TRPM1: variants seen among roughly 807,000 people sequenced by gnomAD.
TRPM1 encodes transient receptor potential cation channel subfamily M member 1, also known as TRPM1-203 APA Isoform, Intron 10.
A neutral mutation model predicts 149.4 loss-of-function variants in TRPM1; 113 were observed. The observed-to-expected ratio is 0.76, with a 90% CI of 0.65 to 0.88. The LOEUF (loss-of-function observed/expected upper bound fraction) is 0.88. TRPM1 is among the 40% of genes least tolerant of loss of function. The pLI, the probability that TRPM1 is intolerant of heterozygous loss-of-function variation, is 0.00. For synonymous variants in TRPM1, 741 were observed against 759.5 expected, an observed-to-expected ratio of 0.98 and a Z score of 0.40; for missense variants, 1,976 against 2,038.7, an observed-to-expected ratio of 0.97 and a Z score of 0.59.
Position 31,158,765 on chromosome 15 carries a change from T to C in TRPM1, c.54+2141A>G, listed in dbSNP as rs553260603. On this transcript the variant is annotated intron_variant, in intron 1 of 26. Coordinates refer to the TRPM1 transcript ENST00000542188. Reference sequence around the variant, plus strand: ...TGATACTCATATATACGGAGAGATGTGTTCTGCTACAAGGGTTTGTGATAA... The same window carrying C: ...TGATACTCATATATACGGAGAGATGCGTTCTGCTACAAGGGTTTGTGATAA... Among the ~76,000 whole-genome samples, 19 of 152,184 alleles carry C rather than the reference T, an allele frequency of 1.2e-4. No individual in the cohort carries two copies. In the South Asian group the frequency reaches 2.3e-3, roughly 18 times the overall value.
At chr15:31,053,202 A>G (rs1489256070) in intron 11 of TRPM1, among the ~76,000 whole-genome samples, 1 of 152,202 alleles carries the variant, frequency 6.6e-6, no homozygotes, top group East Asian at 1.9e-4. Context: ...AATACAAATC[A>G]AAACCATCTG....
chr15:31,080,415 G>A (rs1392394424), intron 2 of TRPM1, among the ~76,000 whole-genome samples: 1 of 152,126 alleles, frequency 6.6e-6, no homozygotes, highest in South Asian at 2.1e-4. Flanking sequence ...AACGCACCAA[G>A]AGGAACAAAA....
upstream of TRPM1, among the ~76,000 whole-genome samples, chr15:31,102,089 C>T (rs965469587): frequency 2.0e-5 from 3 of 152,234 alleles, no homozygotes; most frequent in African/African-American, 4.8e-5. Context: ...GTTCGTGCCC[C>T]GGGGAGCTGG....
rs73370498 is a variant in TRPM1, at chr15:31,040,364, G to A, written c.2088-18C>T. The A allele has an allele frequency of 3.5e-3, 5,617 of 1,610,036 alleles. 175 individuals carry two copies. The African/African-American group carries it at 0.067, about 19-fold the overall frequency. On this transcript the variant is annotated intron_variant, in intron 17 of 27. Transcript: ENST00000256552. The surrounding 1 kb of genome is among the most constrained non-coding windows in gnomAD (Gnocchi z 4.2). ...CGAAGTCTCTGGGGGGAAAGAGAAG[G>A]GACCAGGGTGAAGCCACAGTGGCCG...
chr15:31,007,582 G>T (rs747351666), intron 27 of TRPM1, among the ~76,000 whole-genome samples: 1 of 152,132 alleles, frequency 6.6e-6, no homozygotes, highest in Non-Finnish European at 1.5e-5. Context: ...TAGGAGGATT[G>T]CTTGAGCTCA....
intron 3 of TRPM1, among the ~76,000 whole-genome samples, 182 bp downstream of exon 3, chr15:31,076,723 C>T (rs1194377486): frequency 6.6e-6 from 1 of 152,168 alleles, no homozygotes; most frequent in Non-Finnish European, 1.5e-5. Context: ...AAACTCTTTT[C>T]TGAAGCCATT....
intron 26 of TRPM1, 190 bp from the exon 27 acceptor site, chr15:31,026,461 GC>G: frequency 1.4e-6 from 1 of 710,662 alleles, no homozygotes; most frequent in Admixed American, 2.6e-5. Context: ...ATCAGTTGGA[GC>G]CAAACGGCCC....
chr15:31,098,171 C>T (rs1240393371), intron 1 of TRPM1, among the ~76,000 whole-genome samples: 3 of 152,066 alleles, frequency 2.0e-5, no homozygotes, highest in Non-Finnish European at 4.4e-5. Flanking sequence ...CGTGGTGGCT[C>T]ACGCCTGTAA....
chr15:31,058,205 T>C lies in TRPM1; in HGVS notation c.1263+2339A>G, dbSNP rs764168101. On this transcript the variant is annotated intron_variant, in intron 11 of 27. Transcript: ENST00000256552. ...ATACTTAAAAAAAAAAAAGAATAGATACAGCAATGACATCAAGGCAAATGT... is the reference window on the plus strand; with the variant it reads ...ATACTTAAAAAAAAAAAAGAATAGACACAGCAATGACATCAAGGCAAATGT... 2.2e-4 allele frequency among the ~76,000 whole-genome samples: 33 copies of C among 151,478 alleles called. 1 individual carries two copies. The highest frequency in any genetic ancestry group is 6.8e-3 in the Middle Eastern group (2 of 294).
At chr15:31,103,823 A>AG (rs1161022434), upstream of TRPM1, among the ~76,000 whole-genome samples, 1 of 151,928 alleles carries the variant, frequency 6.6e-6, no homozygotes, top group African/African-American at 2.4e-5. Flanking sequence ...CAAAAAAAAA[A>AG]AAAAAGAGAG....
At chr15:31,092,729 C>A (rs946993252) in intron 1 of TRPM1, among the ~76,000 whole-genome samples, 1 of 152,180 alleles carries the variant, frequency 6.6e-6, no homozygotes, top group Non-Finnish European at 1.5e-5. Context: ...ACAGAGCCGT[C>A]TAGATGCCCA....
intron 3 of TRPM1, among the ~76,000 whole-genome samples, chr15:31,072,434 T>C (rs1484082452): frequency 6.6e-6 from 1 of 152,144 alleles, no homozygotes; most frequent in African/African-American, 2.4e-5. Flanking sequence ...TTAATGGACA[T>C]TTGGGCTATT....
intron 27 of TRPM1, among the ~76,000 whole-genome samples, chr15:31,008,435 C>T (rs2032070481): frequency 6.6e-6 from 1 of 152,184 alleles, no homozygotes; most frequent in African/African-American, 2.4e-5. Context: ...GCTTTTTCTG[C>T]ACCAATTGCT....
chr15:31,101,645 A>G lies in TRPM1; in HGVS notation c.-84+12T>C. 1 of 985,778 alleles carries G rather than the reference A, an allele frequency of 1.0e-6. No homozygotes were observed. Among genetic ancestry groups the G allele is most frequent in the Non-Finnish European group, 1.2e-6 (1 of 830,198 alleles). 61.1% of individuals were successfully genotyped at this position (985,778 alleles called of 1,614,324 possible). On this transcript the variant is annotated intron_variant, in intron 1 of 27. Coordinates refer to ENST00000256552, the MANE Select transcript of TRPM1 (RefSeq NM_001252024.2). ...CCTCCCTTCACCTGTGCTTACCCGC[A>G]TCTGAGCTTACCTGCCACAGCAGTG... is the stretch of plus-strand genomic sequence containing the variant.
At chr15:31,120,789 C>A (rs540178086) in intron 1 of TRPM1, among the ~76,000 whole-genome samples, 3 of 149,786 alleles carry the variant, frequency 2.0e-5, no homozygotes, top group African/African-American at 7.3e-5. Flanking sequence ...GTAAACAATA[C>A]CCTTCTAAAT....
At chr15:31,064,899 C>A in intron 7 of TRPM1, 1 of 420,638 alleles carries the variant, frequency 2.4e-6, no homozygotes, top group South Asian at 1.9e-5. Context: ...ATATCCTGGA[C>A]TCCGCCTTTG....
chr15:31,143,518 G>A (rs953272839), intron 1 of TRPM1, among the ~76,000 whole-genome samples: 1 of 152,064 alleles, frequency 6.6e-6, no homozygotes, highest in East Asian at 1.9e-4. Context: ...GCCTCCAAGC[G>A]ATTCTCCTAC....
intron 27 of TRPM1, among the ~76,000 whole-genome samples, chr15:31,009,886 T>A (rs1566986736): frequency 6.6e-6 from 1 of 152,248 alleles, no homozygotes; most frequent in Non-Finnish European, 1.5e-5. Flanking sequence ...TTGAATTTTC[T>A]TAATATCTTC....
intron 27 of TRPM1, among the ~76,000 whole-genome samples, chr15:31,003,436 A>G (rs1489453347): frequency 6.6e-6 from 1 of 152,204 alleles, no homozygotes; most frequent in African/African-American, 2.4e-5. Context: ...AAATTAAGTC[A>G]TGGAGCGTAT....
Sources: gnomAD v4.1 joint callset for allele counts (sites outside exome capture counted in the v4.1 genomes callset) on GRCh38, gnomAD v4.1.1 for gene constraint, Gnocchi (gnomAD v3.1) non-coding constraint, MANE v1.5 for transcripts, NCBI Gene and HGNC (gene_info 2026-07-23, HGNC 2026-07-21) for gene names.